The following SUFU variants were observed in gnomAD, a reference collection of about 807,000 sequenced individuals.
SUFU encodes SUFU negative regulator of hedgehog signaling.
In SUFU, 7 loss-of-function variants were observed where a neutral mutation model predicts 58.9. The observed-to-expected ratio is 0.12, with a 90% CI of 0.07 to 0.22. SUFU has a LOEUF of 0.22. Among genes scored for constraint, SUFU ranks in the 10% least tolerant of loss-of-function variants. The pLI is 1.00. For missense variants in SUFU, 451 were observed against 641.3 expected (o/e 0.70, Z 3.20); for synonymous variants, 232 against 254.8 (o/e 0.91, Z 0.85).
At chr10:102,504,486 G>T in intron 1 of SUFU, 152 bp downstream of exon 1, 1 of 1,476,594 alleles carries the variant, frequency 6.8e-7, no homozygotes. Flanking sequence ...AGGAGTTAAG[G>T]CTCAAGTTGG....
At chr10:102,575,889 G>A (rs2135814998) in intron 3 of SUFU, among the ~76,000 whole-genome samples, 1 of 152,202 alleles carries the variant, frequency 6.6e-6, no homozygotes, top group East Asian at 1.9e-4. Context: ...CCAGGCTGGA[G>A]TGCAGAGGCG....
At chr10:102,581,191 AAAAAAAAAAAAAAAAAAAAAGAAG>A (rs2063275069) in intron 3 of SUFU, among the ~76,000 whole-genome samples, 1 of 46,330 alleles carries the variant, frequency 2.2e-5, no homozygotes, top group Admixed American at 3.0e-4. Context: ...AAAAAAAAAA[AAAAAAAAAAAAAAAAAAAAAGAAG>A]AAGAAGAAAT....
intron 3 of SUFU, among the ~76,000 whole-genome samples, chr10:102,567,339 G>A (rs1397364822): frequency 6.6e-6 from 1 of 152,030 alleles, no homozygotes; most frequent in Non-Finnish European, 1.5e-5. Context: ...AAAAAGGCCA[G>A]GGCAGTGGCT....
intron 2 of SUFU, among the ~76,000 whole-genome samples, chr10:102,534,595 A>C (rs75438232): frequency 0.044 from 6,625 of 152,278 alleles, 461 homozygotes; most frequent in African/African-American, 0.15. Context: ...TCCTCTGCGT[A>C]GGTGTAAGGG....
chr10:102,602,967 C>T (rs985515694), intron 8 of SUFU, among the ~76,000 whole-genome samples: 7 of 152,180 alleles, frequency 4.6e-5, no homozygotes, highest in African/African-American at 1.7e-4. Flanking sequence ...GAAGCAGTTC[C>T]TTTGTGCCAC....
intron 3 of SUFU, among the ~76,000 whole-genome samples, chr10:102,568,663 C>A (rs2063119141): frequency 6.6e-6 from 1 of 151,480 alleles, no homozygotes; most frequent in Non-Finnish European, 1.5e-5. Context: ...CACCTGAGGT[C>A]AGGAGTTCAA....
intron 8 of SUFU, among the ~76,000 whole-genome samples, chr10:102,607,310 A>G (rs532418791): frequency 6.6e-6 from 1 of 152,284 alleles, no homozygotes; most frequent in Non-Finnish European, 1.5e-5. Flanking sequence ...CGGCCTCCCA[A>G]AGTGCTGGGA....
chr10:102,595,154 T>C (rs988596383), intron 6 of SUFU, among the ~76,000 whole-genome samples: 2 of 152,156 alleles, frequency 1.3e-5, no homozygotes, highest in Non-Finnish European at 2.9e-5. Flanking sequence ...CTGCCATGCT[T>C]CTGTAAAATA....
At chr10:102,508,543 TA>T (rs2062359062) in intron 1 of SUFU, among the ~76,000 whole-genome samples, 1 of 152,208 alleles carries the variant, frequency 6.6e-6, no homozygotes, top group Non-Finnish European at 1.5e-5. Flanking sequence ...AGAACTAAGT[TA>T]AGCCTAAGTT....
intron 8 of SUFU, among the ~76,000 whole-genome samples, chr10:102,604,646 G>A (rs1470842630): frequency 6.6e-6 from 1 of 152,192 alleles, no homozygotes; most frequent in Non-Finnish European, 1.5e-5. Flanking sequence ...CTAGAGAAAG[G>A]AAATGACTCA....
At chr10:102,558,051 C>CA (rs144371148) in intron 3 of SUFU, among the ~76,000 whole-genome samples, 38,616 of 151,594 alleles carry the variant, frequency 0.25, 5,088 homozygotes, top group African/African-American at 0.3. Flanking sequence ...AGGCATGCAC[C>CA]AACATGCCTG....
intron 3 of SUFU, 52 bp from the exon 4 acceptor site, chr10:102,592,530 A>G: frequency 1.9e-6 from 3 of 1,610,258 alleles, no homozygotes; most frequent in Non-Finnish European, 1.7e-6. Flanking sequence ...CCCAGATTCC[A>G]GGCCTGGATC....
intron 10 of SUFU, among the ~76,000 whole-genome samples, chr10:102,626,041 C>G (rs1215771112): frequency 6.6e-6 from 1 of 152,198 alleles, no homozygotes; most frequent in Non-Finnish European, 1.5e-5. Flanking sequence ...TTCCTTTGTG[C>G]CCTACCTGGG....
chr10:102,589,243 G>T (rs1204284564), intron 3 of SUFU, among the ~76,000 whole-genome samples: 4 of 151,592 alleles, frequency 2.6e-5, no homozygotes, highest in Non-Finnish European at 4.4e-5. Flanking sequence ...TTTGTTTTTG[G>T]ATTGTTCCTT....
At chr10:102,608,059 T>C (rs2063580355) in intron 8 of SUFU, among the ~76,000 whole-genome samples, 1 of 151,632 alleles carries the variant, frequency 6.6e-6, no homozygotes. Flanking sequence ...ACCCCATCTC[T>C]ACAAAAATAT....
intron 3 of SUFU, chr10:102,591,746 T>C (rs910476354): frequency 6.6e-6 from 1 of 152,130 alleles, no homozygotes. Flanking sequence ...GCTGGACATA[T>C]AGAGCACCTT....
chr10:102,590,332 A>AT (rs2063385929), intron 3 of SUFU, among the ~76,000 whole-genome samples: 1 of 151,094 alleles, frequency 6.6e-6, no homozygotes, highest in South Asian at 2.1e-4. Context: ...CGCCCTGCTA[A>AT]TTTTTTGTAT....
chr10:102,568,941 T>TACACAG (rs1379151827), intron 3 of SUFU, among the ~76,000 whole-genome samples: 1 of 68,432 alleles, frequency 1.5e-5, no homozygotes. Flanking sequence ...TATATATATA[T>TACACAG]ATATATATAT....
intron 8 of SUFU, among the ~76,000 whole-genome samples, chr10:102,603,987 TG>T (rs1420187162): frequency 6.6e-6 from 1 of 152,214 alleles, no homozygotes; most frequent in African/African-American, 2.4e-5. Flanking sequence ...AGTTTCCATC[TG>T]GGGAAACAGC....
Sources: gnomAD v4.1 joint callset for allele counts (sites outside exome capture counted in the v4.1 genomes callset) on GRCh38, gnomAD v4.1.1 for gene constraint, MANE v1.5 for transcripts, NCBI Gene and HGNC (gene_info 2026-07-23, HGNC 2026-07-21) for gene names.